Variants in TP53BP1 observed in about 807,000 individuals in gnomAD.
TP53BP1 encodes tumor protein p53 binding protein 1.
Under a neutral mutation model 200.8 loss-of-function variants are expected in TP53BP1, and 61 were observed. The ratio of observed to expected loss-of-function variants is 0.30; its 90% CI spans 0.25 to 0.38. The LOEUF (loss-of-function observed/expected upper bound fraction) is 0.38. Among genes scored for constraint, TP53BP1 ranks in the 10% least tolerant of loss-of-function variants. The probability of loss-of-function intolerance (pLI) is 1.00; values close to 1 mark genes in which losing one functional copy is unlikely to be tolerated. For missense variants in TP53BP1, 2,144 were observed against 2,371.9 expected, an observed-to-expected ratio of 0.90 and a Z score of 2.00; for synonymous variants, 822 against 844.3, an observed-to-expected ratio of 0.97 and a Z score of 0.46.
intron 12 of TP53BP1, among the ~76,000 whole-genome samples, chr15:43,447,860 G>A (rs1305786450): frequency 6.6e-6 from 1 of 152,178 alleles, no homozygotes; most frequent in African/African-American, 2.4e-5. Context: ...TTTCAAATCA[G>A]AACAACATAA....
rs201419832 is a variant in TP53BP1 at position 43,406,697 on chromosome 15, C to CAAT, written c.*683_*685dup. 2.5e-4 allele frequency: 109 copies of CAAT among 433,010 alleles called. No homozygotes were observed. Among genetic ancestry groups the CAAT allele is most frequent in the African/African-American group, 8.4e-4 (41 of 48,588 alleles). 26.8% of individuals were successfully genotyped at this position (433,010 alleles called of 1,614,324 possible). On this transcript the variant is annotated 3_prime_UTR_variant, in exon 28 of 28. Transcript: ENST00000382044. ...AAGGAACTGCTTCCAGCTATTGTGACAATAATAATAATAATAATATTGGGT... is the reference window on the plus strand; with the variant it reads ...AAGGAACTGCTTCCAGCTATTGTGACAATAATAATAATAATAATAATATTGGGT...
In TP53BP1 at chr15:43,493,107, T is replaced by A. The variant is rs1350819090; in HGVS notation, c.-64A>T. On this transcript the variant is annotated 5_prime_UTR_variant, in exon 1 of 28. Coordinates refer to ENST00000382044, the MANE Select transcript of TP53BP1 (RefSeq NM_001141980.3). The stretch of plus-strand genomic sequence containing the variant: ...TGCACGCTCCCCAAGTCCCTCCAGA[T>A]CGATCCCTAGGTCGCCGCTGTCGCC... 10 of 1,605,202 alleles carry A rather than the reference T, an allele frequency of 6.2e-6. No individual in the cohort carries two copies. Among genetic ancestry groups the A allele is most frequent in the Non-Finnish European group, 8.5e-6 (10 of 1,177,594 alleles).
chr15:43,443,319 A>G (rs774629179), intron 14 of TP53BP1, among the ~76,000 whole-genome samples: 1 of 152,192 alleles, frequency 6.6e-6, no homozygotes, highest in East Asian at 1.9e-4. Context: ...TTGATGAACT[A>G]ATTTTAAATA....
At chr15:43,440,069 G>C (rs114326366) in intron 15 of TP53BP1, among the ~76,000 whole-genome samples, 1,615 of 152,246 alleles carry the variant, frequency 0.011, 34 homozygotes, top group African/African-American at 0.037. Flanking sequence ...TTTGAAAAAG[G>C]TCAGAAACTC....
chr15:43,497,872 A>C (rs1379799224), upstream of TP53BP1, among the ~76,000 whole-genome samples: 1 of 152,258 alleles, frequency 6.6e-6, no homozygotes, highest in African/African-American at 2.4e-5. Flanking sequence ...AAATGGTTAT[A>C]ATGGTACATT....
At position 43,432,319 on chromosome 15, in the gene TP53BP1, C is replaced by G. The variant is rs2045689948; in HGVS notation, c.3550G>C (p.Glu1184Gln). 3 of 1,614,198 alleles carry G rather than the reference C, an allele frequency of 1.9e-6. No homozygotes were observed. The highest frequency in any genetic ancestry group is 1.7e-6 in the Non-Finnish European group (2 of 1,180,022). Reference protein sequence around the residue: ...AATQTIKNVCEQGTSTVDQNF... With the variant: ...AATQTIKNVCQQGTSTVDQNF... Reference sequence around the variant, plus strand: ...TGGTCCACTGTACTGGTCCCCTGCTCACACACATTCTTTATAGTCTGGGTT... The same window carrying G: ...TGGTCCACTGTACTGGTCCCCTGCTGACACACATTCTTTATAGTCTGGGTT... Residue 1184 changes from glutamate (E) to glutamine (Q), a missense_variant, in exon 17 of 28, where the codon GAG becomes CAG. Physicochemically the swap from Glu to Gln is conservative, Grantham distance 29. Coordinates refer to ENST00000382044, the MANE Select transcript of TP53BP1 (RefSeq NM_001141980.3).
At chr15:43,437,101 G>A (rs895072239) in intron 16 of TP53BP1, among the ~76,000 whole-genome samples, 2 of 152,108 alleles carry the variant, frequency 1.3e-5, no homozygotes, top group Non-Finnish European at 2.9e-5. Flanking sequence ...TGGGGCTGCC[G>A]TGAGCTATTA....
Position 43,409,317 on chromosome 15 carries a change from T to C in TP53BP1, c.5401-221A>G, listed in dbSNP as rs2045034133. ...ACCTGCAGCATACTGAGGACCTAAA[T>C]CCTCAACGGACAACCAAAACCTATG... On this transcript the variant is annotated intron_variant, in intron 25 of 27. Coordinates refer to ENST00000382044, the MANE Select transcript of TP53BP1 (RefSeq NM_001141980.3). The C allele has an allele frequency of 8.4e-6, 5 of 592,500 alleles. No homozygotes were observed. The Admixed American group carries it at 1.5e-4, about 18-fold the overall frequency. The allele number at this position is 592,500 out of a possible 1,614,324, so 36.7% of individuals were successfully genotyped here. A position where few individuals can be genotyped will look rare whatever the true frequency, so the allele number is the denominator to read the frequency against.
chr15:43,407,932 CT>C lies in TP53BP1; in HGVS notation c.5746+10del. On this transcript the variant is annotated intron_variant, in intron 27 of 27. Coordinates refer to ENST00000382044, the MANE Select transcript of TP53BP1 (RefSeq NM_001141980.3). The stretch of plus-strand genomic sequence containing the variant: ...CTGGAACAAAGACACTACACACACT[CT>C]TTCAGGTACCTTTGTTATGGGCACT... 6.2e-7 allele frequency: 1 copy of C among 1,608,798 alleles called. No individual in the cohort carries two copies. The highest frequency in any genetic ancestry group is 8.5e-7 in the Non-Finnish European group (1 of 1,179,196).
intron 16 of TP53BP1, among the ~76,000 whole-genome samples, chr15:43,438,090 T>G (rs1422748295): frequency 6.6e-6 from 1 of 152,262 alleles, no homozygotes; most frequent in African/African-American, 2.4e-5. Flanking sequence ...ACAGCCTTAA[T>G]GCATACATAT....
intron 25 of TP53BP1, 104 bp downstream of exon 25, chr15:43,409,543 G>T: frequency 1.8e-6 from 1 of 566,326 alleles, no homozygotes; most frequent in Non-Finnish European, 3.0e-6. Flanking sequence ...GAAATCTCTG[G>T]CTACTTTATC....
intron 12 of TP53BP1, among the ~76,000 whole-genome samples, chr15:43,453,393 G>A (rs941129905): frequency 9.9e-5 from 15 of 152,120 alleles, no homozygotes; most frequent in Non-Finnish European, 2.1e-4. Context: ...GTATTAAGCA[G>A]TTTTACAGGA....
rs554991202 is a variant in TP53BP1, at chr15:43,442,328, C to T, written c.3041-745G>A. 5.3e-5 allele frequency among the ~76,000 whole-genome samples: 8 copies of T among 151,998 alleles called. No individual in the cohort carries two copies. In the East Asian group the frequency reaches 7.7e-4, roughly 15 times the overall value. ...GTCTCAATCTCCTGACCTCGTGATCCGCCCGCCTCGGTCTCCCAAAGTGCT... is the reference window on the plus strand; with the variant it reads ...GTCTCAATCTCCTGACCTCGTGATCTGCCCGCCTCGGTCTCCCAAAGTGCT... On this transcript the variant is annotated intron_variant, in intron 14 of 27. Transcript: ENST00000382044.
intron 1 of TP53BP1, among the ~76,000 whole-genome samples, chr15:43,502,706 A>G (rs971103994): frequency 1.3e-5 from 2 of 148,608 alleles, no homozygotes; most frequent in African/African-American, 5.0e-5. Context: ...TGATCTGCCC[A>G]CCTTGGCCTC....
chr15:43,461,534 A>G (rs746964900), intron 11 of TP53BP1, among the ~76,000 whole-genome samples: 27 of 152,204 alleles, frequency 1.8e-4, no homozygotes, highest in Non-Finnish European at 3.2e-4. Context: ...ATAATTTTTA[A>G]ATTGTGATCT....
At chr15:43,461,150 G>A (rs767544809) in intron 11 of TP53BP1, among the ~76,000 whole-genome samples, 1 of 151,948 alleles carries the variant, frequency 6.6e-6, no homozygotes, top group Non-Finnish European at 1.5e-5. Flanking sequence ...GCTACAAAAT[G>A]GTTCACTGCT....
intron 1 of TP53BP1, among the ~76,000 whole-genome samples, chr15:43,504,762 G>T (rs895889560): frequency 6.6e-6 from 1 of 152,192 alleles, no homozygotes; most frequent in African/African-American, 2.4e-5. Context: ...TCTCACTCCT[G>T]TAATCCCAGT....
intron 17 of TP53BP1, among the ~76,000 whole-genome samples, chr15:43,429,702 G>A (rs1437162794): frequency 6.6e-6 from 1 of 152,064 alleles, no homozygotes; most frequent in Non-Finnish European, 1.5e-5. Flanking sequence ...AATATCAAAG[G>A]CATGAAACGC....
intron 9 of TP53BP1, among the ~76,000 whole-genome samples, chr15:43,475,052 G>A (rs1426855129): frequency 1.3e-5 from 2 of 152,152 alleles, no homozygotes; most frequent in Non-Finnish European, 2.9e-5. Context: ...AAAGCAAAAT[G>A]AGCAGTGCTA....
Sources: gnomAD v4.1 joint callset for allele counts (sites outside exome capture counted in the v4.1 genomes callset) on GRCh38, gnomAD v4.1.1 for gene constraint, MANE v1.5 for transcripts, NCBI Gene and HGNC (gene_info 2026-07-23, HGNC 2026-07-21) for gene names.